The following MARCHF10 variants were observed in gnomAD, a reference collection of about 807,000 sequenced individuals.
MARCHF10 encodes probable E3 ubiquitin-protein ligase MARCHF10.
A neutral mutation model predicts 76.2 loss-of-function variants in MARCHF10; 64 were observed. The observed-to-expected ratio is 0.84, with a 90% CI of 0.69 to 1.03. The LOEUF is 1.03. MARCHF10 is among the 50% of genes least tolerant of loss of function. The pLI is 0.00. For missense variants in MARCHF10, 875 were observed against 958.0 expected (o/e 0.91, Z 1.14); for synonymous variants, 340 against 357.5 (o/e 0.95, Z 0.55).
Position 62,725,007 on chromosome 17 carries a change from A to G in MARCHF10, c.2035T>C (p.Cys679Arg). 6.2e-7 allele frequency: 1 copy of G among 1,611,240 alleles called. No individual in the cohort carries two copies. The highest frequency in any genetic ancestry group is 8.5e-7 in the Non-Finnish European group (1 of 1,178,978). Residue 679 changes from cysteine (C) to arginine (R), a missense_variant, in exon 7 of 11, where the codon TGT becomes CGT. Transcript: ENST00000311269. The stretch of plus-strand genomic sequence containing the variant: ...TGAACAAACTGCAGGCTTCCCACAC[A>G]GCCGCAAGGCTCCAGGAGGGGGTTG... ...PSNPLLEPCG[C>R]VGSLQFVHQE...
At chr17:62,719,547 C>A (rs2090382013) in intron 8 of MARCHF10, among the ~76,000 whole-genome samples, 1 of 151,832 alleles carries the variant, frequency 6.6e-6, no homozygotes, top group Non-Finnish European at 1.5e-5. Context: ...CCCCTTTGGC[C>A]TCTTACAGGA....
At chr17:62,776,746 T>C (rs1438452389) in intron 3 of MARCHF10, among the ~76,000 whole-genome samples, 1 of 152,212 alleles carries the variant, frequency 6.6e-6, no homozygotes, top group Non-Finnish European at 1.5e-5. Flanking sequence ...TCCCTTATAA[T>C]GTACAAGTGA....
intron 8 of MARCHF10, among the ~76,000 whole-genome samples, chr17:62,717,621 A>G (rs904690292): frequency 2.0e-5 from 3 of 152,098 alleles, no homozygotes; most frequent in Non-Finnish European, 4.4e-5. Flanking sequence ...TCTCTTCCCA[A>G]TCCCTCTCTG....
At chr17:62,792,563 C>T (rs886211100) in intron 2 of MARCHF10, among the ~76,000 whole-genome samples, 1 of 151,118 alleles carries the variant, frequency 6.6e-6, no homozygotes, top group African/African-American at 2.4e-5. Flanking sequence ...CCACCACCAC[C>T]TCCATCACCA....
chr17:62,702,535 G>A (rs2089306058), intron 10 of MARCHF10, among the ~76,000 whole-genome samples: 1 of 152,038 alleles, frequency 6.6e-6, no homozygotes, highest in Admixed American at 6.5e-5. Flanking sequence ...GGGTGGTGGC[G>A]GGTGTCTGTA....
In MARCHF10 at chr17:62,737,228, C is replaced by T. The variant is rs376661335; in HGVS notation, c.640G>A (p.Ala214Thr). Residue 214 changes from alanine to threonine, a missense_variant, in exon 6 of 11, where the codon GCC (alanine) becomes ACC (threonine). By Grantham distance (58) the Ala-to-Thr change is moderately conservative. Transcript: ENST00000311269. ...VPSSQPMTEN[A>T]PDRAKKGDPS... ...TCTCCTTTTTTGGCTCTATCAGGGG[C>T]GTTCTCAGTCATTGGCTGTGACGAT... 35 of 1,613,870 alleles carry T rather than the reference C, an allele frequency of 2.2e-5. No homozygotes were observed. Among genetic ancestry groups the T allele is most frequent in the South Asian group, 4.4e-5 (4 of 91,048 alleles).
At chr17:62,742,409 C>T (rs2091547836) in intron 5 of MARCHF10, among the ~76,000 whole-genome samples, 1 of 152,218 alleles carries the variant, frequency 6.6e-6, no homozygotes, top group South Asian at 2.1e-4. Context: ...TTTGCTTCAA[C>T]TCTTTCACTG....
chr17:62,801,252 G>A lies in MARCHF10; in HGVS notation c.90+394C>T, dbSNP rs557181501. Among the ~76,000 whole-genome samples the A allele has an allele frequency of 5.7e-4, 86 of 152,106 alleles. 1 individual carries two copies. Among genetic ancestry groups the A allele is most frequent in the African/African-American group, 1.9e-3 (80 of 41,496 alleles). ...CGGCTTACTGCAACCTCTGCCTCCCGGGTTCAAGCGATTCTCCTGCCTCAG... is the reference window on the plus strand; with the variant it reads ...CGGCTTACTGCAACCTCTGCCTCCCAGGTTCAAGCGATTCTCCTGCCTCAG... On this transcript the variant is annotated intron_variant, in intron 2 of 10. Transcript: ENST00000311269.
chr17:62,762,039 G>C (rs568413631), intron 3 of MARCHF10, among the ~76,000 whole-genome samples: 6 of 152,196 alleles, frequency 3.9e-5, no homozygotes, highest in Non-Finnish European at 8.8e-5. Flanking sequence ...GTCAGCAGCA[G>C]TAGCAGCAGC....
At chr17:62,771,164 T>A (rs1385332655) in intron 3 of MARCHF10, among the ~76,000 whole-genome samples, 1 of 152,112 alleles carries the variant, frequency 6.6e-6, no homozygotes, top group Non-Finnish European at 1.5e-5. Context: ...CTAATAATTA[T>A]TAAACAAATG....
intron 6 of MARCHF10, among the ~76,000 whole-genome samples, chr17:62,730,169 G>A (rs577134661): frequency 6.6e-6 from 1 of 151,946 alleles, no homozygotes; most frequent in Non-Finnish European, 1.5e-5. Context: ...CTGAGCAACA[G>A]AGTGAGACTT....
Position 62,781,151 on chromosome 17 carries a change from G to A in MARCHF10, c.210+7329C>T, listed in dbSNP as rs894916866. On this transcript the variant is annotated intron_variant, in intron 3 of 10. Coordinates refer to ENST00000311269, the MANE Select transcript of MARCHF10 (RefSeq NM_152598.4). ...GATGAAACAGTTCACAGGGTTGTAC[G>A]TAACTCTGAAAAGGCTCTAAAATTA... Among the ~76,000 whole-genome samples the A allele has an allele frequency of 2.2e-4, 34 of 152,222 alleles. 1 individual carries two copies. Among genetic ancestry groups the A allele is most frequent in the East Asian group, 7.7e-4 (4 of 5,184 alleles).
At chr17:62,763,606 C>T (rs537440701) in intron 3 of MARCHF10, among the ~76,000 whole-genome samples, 2 of 151,830 alleles carry the variant, frequency 1.3e-5, no homozygotes, top group East Asian at 3.9e-4. Flanking sequence ...CTCATGTGTC[C>T]CCAAGTTGAA....
chr17:62,704,946 G>GTTT (rs36050741), intron 10 of MARCHF10: 596 of 836,864 alleles, frequency 7.1e-4, no homozygotes, highest in African/African-American at 2.3e-3. Context: ...TTCTCCAGTC[G>GTTT]TTTTTTTTTT....
At chr17:62,746,446 A>G (rs1184932344) in intron 4 of MARCHF10, among the ~76,000 whole-genome samples, 1 of 131,510 alleles carries the variant, frequency 7.6e-6, no homozygotes. Flanking sequence ...GAGGAAGGTG[A>G]GAGAGTGAGA....
At chr17:62,797,683 C>A (rs964155328) in intron 2 of MARCHF10, among the ~76,000 whole-genome samples, 1 of 152,092 alleles carries the variant, frequency 6.6e-6, no homozygotes, top group African/African-American at 2.4e-5. Context: ...GAGTCTTGGG[C>A]CTGCCTTTAA....
intron 8 of MARCHF10, among the ~76,000 whole-genome samples, chr17:62,720,854 G>A (rs1033297898): frequency 1.4e-5 from 2 of 143,910 alleles, no homozygotes; most frequent in African/African-American, 5.3e-5. Context: ...GCTCCGGTAA[G>A]TTGTGATTTT....
intron 6 of MARCHF10, among the ~76,000 whole-genome samples, chr17:62,730,476 C>T (rs976484199): frequency 6.6e-5 from 10 of 152,152 alleles, no homozygotes; most frequent in Middle Eastern, 3.2e-3. Context: ...ATGTATTAAG[C>T]GCTTACTGTA....
At chr17:62,775,514 G>GGGC (rs1555710934) in intron 3 of MARCHF10, among the ~76,000 whole-genome samples, 1 of 151,796 alleles carries the variant, frequency 6.6e-6, no homozygotes, top group African/African-American at 2.4e-5. Context: ...ACTCGGGGGG[G>GGGC]GGCGTGGCTT....
Sources: allele counts gnomAD v4.1 joint callset (sites outside exome capture counted in the v4.1 genomes callset), GRCh38; gene constraint gnomAD v4.1.1; transcripts MANE v1.5; gene names NCBI Gene and HGNC (gene_info 2026-07-23, HGNC 2026-07-21).